NLGN1: variants seen among roughly 807,000 people sequenced by gnomAD.
The protein encoded by NLGN1 is neuroligin-1.
NLGN1 carries 12 observed loss-of-function variants against 65.5 expected under a neutral mutation model. That is an observed-to-expected ratio of 0.18 (90% CI 0.12 to 0.30). The LOEUF is 0.30. Among genes scored for constraint, NLGN1 ranks in the 10% least tolerant of loss-of-function variants. The pLI is 1.00. For synonymous variants in NLGN1, 350 were observed against 359.5 expected, an observed-to-expected ratio of 0.97 and a Z score of 0.30; for missense variants, 750 against 1,007.1, an observed-to-expected ratio of 0.74 and a Z score of 3.46.
At chr3:173,980,376 G>A (rs575877257) in intron 4 of NLGN1, among the ~76,000 whole-genome samples, 14 of 151,502 alleles carry the variant, frequency 9.2e-5, no homozygotes, top group Non-Finnish European at 1.6e-4. Flanking sequence ...TCATTAAATC[G>A]TAAAATTATT....
intron 4 of NLGN1, among the ~76,000 whole-genome samples, chr3:174,265,570 C>T (rs929290836): frequency 1.2e-3 from 184 of 151,930 alleles, no homozygotes; most frequent in Non-Finnish European, 7.2e-4. Flanking sequence ...CTGACCTGCG[C>T]CCACTGTCTG....
At chr3:173,663,418 G>C (rs990727707) in intron 3 of NLGN1, among the ~76,000 whole-genome samples, 1 of 151,944 alleles carries the variant, frequency 6.6e-6, no homozygotes, top group Non-Finnish European at 1.5e-5. Flanking sequence ...ACTGATAAAT[G>C]CTTCTGTTGA....
At chr3:173,942,128 GTGTGTGTGTGTGTA>G (rs773309059) in intron 4 of NLGN1, among the ~76,000 whole-genome samples, 17,305 of 148,942 alleles carry the variant, frequency 0.12, 1,162 homozygotes, top group Non-Finnish European at 0.17. Context: ...GTGTGTGTGT[GTGTGTGTGTGTGTA>G]TGTGTGTGTG....
chr3:173,599,901 G>A (rs955633151), intron 2 of NLGN1, among the ~76,000 whole-genome samples: 3 of 152,082 alleles, frequency 2.0e-5, no homozygotes, highest in Admixed American at 2.0e-4. Flanking sequence ...AGTCAAACAA[G>A]GCATTGCTCT....
intron 4 of NLGN1, among the ~76,000 whole-genome samples, chr3:174,101,651 TA>T (rs1264433228): frequency 6.6e-6 from 1 of 152,224 alleles, no homozygotes; most frequent in African/African-American, 2.4e-5. Flanking sequence ...GTATACCTCT[TA>T]AAGTCAAAAA....
At chr3:174,239,858 G>C (rs2152829116) in intron 4 of NLGN1, among the ~76,000 whole-genome samples, 1 of 151,922 alleles carries the variant, frequency 6.6e-6, no homozygotes, top group African/African-American at 2.4e-5. Context: ...GGAAAATAAA[G>C]AAAAAGAAAA....
In NLGN1 at chr3:173,523,467, G is replaced by A. The variant is rs143755390; in HGVS notation, c.-320-80812G>A. On this transcript the variant is annotated intron_variant, in intron 2 of 6. Coordinates refer to ENST00000457714, the Ensembl canonical transcript of NLGN1. Reference sequence around the variant, plus strand: ...GATAAGGATCCAATTTTATTCTTTTGCATATGGCTAGCCAGTTTTCCGATC... The same window carrying A: ...GATAAGGATCCAATTTTATTCTTTTACATATGGCTAGCCAGTTTTCCGATC... Among the ~76,000 whole-genome samples the A allele has an allele frequency of 7.1e-4, 108 of 151,626 alleles. 2 individuals carry two copies. The highest frequency in any genetic ancestry group is 2.6e-3 in the African/African-American group (106 of 41,424).
chr3:173,670,004 A>G (rs1222645148), intron 3 of NLGN1, among the ~76,000 whole-genome samples: 1 of 152,242 alleles, frequency 6.6e-6, no homozygotes, highest in African/African-American at 2.4e-5. Context: ...TCTGAAATTT[A>G]ATATACTAAA....
intron 2 of NLGN1, among the ~76,000 whole-genome samples, chr3:173,439,365 G>A (rs1264046207): frequency 6.6e-6 from 1 of 151,948 alleles, no homozygotes; most frequent in Non-Finnish European, 1.5e-5. Context: ...AGAAATATGC[G>A]GGAAACTATA....
chr3:173,529,712 C>G (rs1467238576), intron 2 of NLGN1, among the ~76,000 whole-genome samples: 1 of 152,124 alleles, frequency 6.6e-6, no homozygotes, highest in Admixed American at 6.5e-5. Flanking sequence ...GGGGTGGAAC[C>G]TCTTTGTTCC....
intron 3 of NLGN1, among the ~76,000 whole-genome samples, chr3:173,784,949 G>A (rs998158913): frequency 1.3e-5 from 2 of 152,024 alleles, no homozygotes; most frequent in African/African-American, 4.8e-5. Context: ...TCTCCACATG[G>A]GAAGAATGAA....
At position 173,597,900 on chromosome 3, in the gene NLGN1, A is replaced by G. The variant is rs577421037; in HGVS notation, c.-320-6379A>G. Among the ~76,000 whole-genome samples, 23 of 152,164 alleles carry G rather than the reference A, an allele frequency of 1.5e-4. 1 individual carries two copies. The highest frequency in any genetic ancestry group is 3.4e-3 in the Middle Eastern group (1 of 294). ...GCTACTAAAATGGGCATTAATTCAGACTTCAAGTTATCTTCTTGAGGTTTT... is the reference window on the plus strand; with the variant it reads ...GCTACTAAAATGGGCATTAATTCAGGCTTCAAGTTATCTTCTTGAGGTTTT... On this transcript the variant is annotated intron_variant, in intron 2 of 6. Transcript: ENST00000457714.
intron 2 of NLGN1, among the ~76,000 whole-genome samples, chr3:173,592,520 AT>A (rs1390575079): frequency 6.6e-6 from 1 of 152,160 alleles, no homozygotes. Context: ...ATGATGAGAA[AT>A]TTCCATTGTA....
chr3:173,859,941 G>C (rs954594327), intron 4 of NLGN1, among the ~76,000 whole-genome samples: 3 of 151,790 alleles, frequency 2.0e-5, no homozygotes, highest in African/African-American at 7.3e-5. Flanking sequence ...TAAAAAATGT[G>C]TGCTCTCTTA....
intron 4 of NLGN1, among the ~76,000 whole-genome samples, chr3:173,921,797 A>G (rs76096180): frequency 0.017 from 2,607 of 152,264 alleles, 27 homozygotes; most frequent in Middle Eastern, 0.034. Context: ...AATTGACATC[A>G]TGAAGAATTA....
chr3:173,562,854 C>G (rs1742988065), intron 2 of NLGN1, among the ~76,000 whole-genome samples: 1 of 152,188 alleles, frequency 6.6e-6, no homozygotes, highest in Non-Finnish European at 1.5e-5. Flanking sequence ...CCAGAAAGCT[C>G]TTTCAAAAAT....
chr3:174,274,362 TA>T (rs1279493940), intron 4 of NLGN1, among the ~76,000 whole-genome samples: 2 of 151,904 alleles, frequency 1.3e-5, no homozygotes, highest in African/African-American at 4.8e-5. Flanking sequence ...AAGATATTGC[TA>T]AGTAATATGT....
intron 3 of NLGN1, 60 bp downstream of exon 3, chr3:173,605,653 A>G (rs1751290305): frequency 1.3e-6 from 1 of 780,278 alleles, no homozygotes. Flanking sequence ...AGAACAAGAT[A>G]CTCTCCCTAA....
At chr3:173,942,135 T>TGTGA (rs1746241549) in intron 4 of NLGN1, among the ~76,000 whole-genome samples, 1 of 148,444 alleles carries the variant, frequency 6.7e-6, no homozygotes, top group African/African-American at 2.5e-5. Context: ...TGTGTGTGTG[T>TGTGA]GTGTGTATGT....
Sources: allele counts gnomAD v4.1 joint callset (sites outside exome capture counted in the v4.1 genomes callset), GRCh38; gene constraint gnomAD v4.1.1; transcripts MANE v1.5; gene names NCBI Gene and HGNC (gene_info 2026-07-23, HGNC 2026-07-21).